The following COL5A1 variants were observed in gnomAD, a reference collection of about 807,000 sequenced individuals.
COL5A1 encodes the protein collagen alpha-1(V) chain.
A neutral mutation model predicts 263.7 loss-of-function variants in COL5A1; 16 were observed. That is an observed-to-expected ratio of 0.06 (90% confidence interval 0.04 to 0.09). The LOEUF (loss-of-function observed/expected upper bound fraction) is 0.09, where lower values mean the gene tolerates loss of function less well. Ranked by LOEUF, COL5A1 falls within the 10% of genes least tolerant of loss-of-function variation. The probability of loss-of-function intolerance (pLI) is 1.00; values close to 1 mark genes in which losing one functional copy is unlikely to be tolerated. For missense variants in COL5A1, 2,036 were observed against 2,540.5 expected, an observed-to-expected ratio of 0.80 and a Z score of 4.27; for synonymous variants, 1,012 against 1,004.5, an observed-to-expected ratio of 1.01 and a Z score of -0.14.
At chr9:134,762,822 G>GGA (rs35719154) in intron 19 of COL5A1, among the ~76,000 whole-genome samples, 16,060 of 152,140 alleles carry the variant, frequency 0.11, 1,328 homozygotes, top group East Asian at 0.27. Context: ...AGATGAGGAA[G>GGA]GAGAGAGGGA....
At chr9:134,664,124 C>T (rs1057164336) in intron 1 of COL5A1, among the ~76,000 whole-genome samples, 5 of 152,322 alleles carry the variant, frequency 3.3e-5, no homozygotes, top group Non-Finnish European at 7.3e-5. Context: ...CTGGGAAAGA[C>T]AGGATTCATC....
chr9:134,719,317 GCA>G (rs986969301), intron 4 of COL5A1, among the ~76,000 whole-genome samples: 11 of 152,292 alleles, frequency 7.2e-5, no homozygotes, highest in African/African-American at 2.6e-4. Context: ...TGTATGTCAC[GCA>G]CACACACCGC....
intron 11 of COL5A1, among the ~76,000 whole-genome samples, chr9:134,748,457 T>A (rs1751992841): frequency 6.6e-6 from 1 of 152,238 alleles, no homozygotes; most frequent in African/African-American, 2.4e-5. Context: ...GACAGCAGCT[T>A]GTCCTTGGGA....
chr9:134,805,347 A>C, intron 41 of COL5A1, 133 bp downstream of exon 41: 1 of 1,082,852 alleles, frequency 9.2e-7, no homozygotes, highest in African/African-American at 1.5e-5. Flanking sequence ...GGAGGGGGGA[A>C]AATGGCCTTC....
At chr9:134,720,660 G>A (rs920764003) in intron 4 of COL5A1, among the ~76,000 whole-genome samples, 19 of 152,302 alleles carry the variant, frequency 1.2e-4, no homozygotes, top group African/African-American at 4.3e-4. Context: ...GGGCAGAGCT[G>A]TGTGTTTGGT....
At chr9:134,839,898 C>T (rs1013483420) in intron 65 of COL5A1, among the ~76,000 whole-genome samples, 13 of 152,248 alleles carry the variant, frequency 8.5e-5, no homozygotes, top group Non-Finnish European at 1.9e-4. Context: ...TGTGGCCACC[C>T]CCAGGCGGGC....
intron 4 of COL5A1, among the ~76,000 whole-genome samples, chr9:134,703,917 G>C (rs940141075): frequency 4.6e-5 from 7 of 152,134 alleles, no homozygotes; most frequent in Non-Finnish European, 1.0e-4. Context: ...GGGATTGCAG[G>C]CGTGAGCCAC....
intron 4 of COL5A1, among the ~76,000 whole-genome samples, chr9:134,714,294 A>G (rs536157501): frequency 6.6e-6 from 1 of 150,586 alleles, no homozygotes; most frequent in African/African-American, 2.4e-5. Flanking sequence ...GGTGGTAGTG[A>G]TGATGGTCAT....
chr9:134,815,436 C>A, intron 50 of COL5A1, 140 bp from the exon 51 acceptor site: 1 of 859,140 alleles, frequency 1.2e-6, no homozygotes, highest in Non-Finnish European at 1.9e-6. Flanking sequence ...ATAAAGTGCA[C>A]TGGGTTGTCG....
intron 29 of COL5A1, 57 bp downstream of exon 29, chr9:134,782,777 T>TGG: frequency 7.8e-7 from 1 of 1,275,090 alleles, no homozygotes; most frequent in Admixed American, 1.8e-5. Flanking sequence ...CTTGGCCGTG[T>TGG]GGGAGGGGGT....
chr9:134,761,907 G>T lies in COL5A1; in HGVS notation c.1936-18G>T, dbSNP rs775505030. 43 of 1,613,002 alleles carry T rather than the reference G, an allele frequency of 2.7e-5. No homozygotes were observed. The highest frequency in any genetic ancestry group is 3.4e-5 in the Non-Finnish European group (40 of 1,179,672). ...GACCTGCTCAGGAGAGGCTGACGTT[G>T]ACCCTTTCACTTCCTAGGGTGACCC... On this transcript the variant is annotated intron_variant, in intron 18 of 65. Coordinates refer to ENST00000371817, the MANE Select transcript of COL5A1 (RefSeq NM_000093.5).
Position 134,691,044 on chromosome 9 carries a change from C to G in COL5A1, c.242C>G (p.Ala81Gly). 6.2e-7 allele frequency: 1 copy of G among 1,613,542 alleles called. No individual in the cohort carries two copies. Among genetic ancestry groups the G allele is most frequent in the South Asian group, 1.1e-5 (1 of 91,084 alleles). The change falls in exon 2 of 66, where the codon GCG becomes GGG. Residue 81 changes from alanine (A) to glycine (G), a missense_variant. By Grantham distance (60) the Ala-to-Gly change is moderately conservative (BLOSUM62 0). Around this residue, in one of 3 missense-constraint regions of COL5A1, gnomAD observed 600 missense variants for 634.5 expected, o/e 0.95. Transcript: ENST00000371817. ...GTCGCTTACAGAGTCACCAAAGACG[C>G]GCAGCTCAGCGCACCCACCAAGCAG... ...PDVAYRVTKDAQLSAPTKQLY... is the reference protein window; with the variant it reads ...PDVAYRVTKDGQLSAPTKQLY...
chr9:134,827,263 C>G (rs780954403), intron 63 of COL5A1, among the ~76,000 whole-genome samples: 1 of 152,210 alleles, frequency 6.6e-6, no homozygotes. Flanking sequence ...ACGCCCTGAC[C>G]GTGCTGAGCT....
intron 63 of COL5A1, among the ~76,000 whole-genome samples, chr9:134,828,436 C>CCACACA (rs59261059): frequency 6.6e-6 from 1 of 150,762 alleles, no homozygotes; most frequent in African/African-American, 2.4e-5. Context: ...GAAGGTTCTA[C>CCACACA]CACACACACA....
At chr9:134,829,601 G>A (rs1226528934) in intron 63 of COL5A1, among the ~76,000 whole-genome samples, 7 of 149,268 alleles carry the variant, frequency 4.7e-5, no homozygotes, top group African/African-American at 1.5e-4. Context: ...CCTAAGGGCC[G>A]GGGCCAGGCT....
At chr9:134,649,309 T>C in intron 1 of COL5A1, 1 of 353,498 alleles carries the variant, frequency 2.8e-6, no homozygotes. Context: ...TCAAACTAGG[T>C]AATAACCTCA....
At chr9:134,730,603 C>A in intron 7 of COL5A1, 128 bp downstream of exon 7, 1 of 1,334,556 alleles carries the variant, frequency 7.5e-7, no homozygotes, top group Non-Finnish European at 1.1e-6. Flanking sequence ...CCCTGTGTTC[C>A]ACCACACCCT....
chr9:134,657,949 G>C lies in COL5A1; in HGVS notation c.109+15653G>C, dbSNP rs528245683. Among the ~76,000 whole-genome samples, 8 of 152,038 alleles carry C rather than the reference G, an allele frequency of 5.3e-5. No individual in the cohort carries two copies. The South Asian group carries it at 1.7e-3, about 31-fold the overall frequency. On this transcript the variant is annotated intron_variant, in intron 1 of 65. Transcript: ENST00000371817. ...TGAGGAGTGGGGAGACCAGGCCTGG[G>C]AGTCCTGGCCTGTCGGGTGGGCTTC...
In COL5A1 at chr9:134,696,798, G is replaced by T. The variant is rs573350835; in HGVS notation, c.278-3111G>T. On this transcript the variant is annotated intron_variant, in intron 2 of 65. Transcript: ENST00000371817. The surrounding 1 kb of genome is among the most constrained non-coding windows in gnomAD (Gnocchi z 4.3). The stretch of plus-strand genomic sequence containing the variant: ...AAAAGTGAAAAGCTCTGGCCGGGCG[G>T]GGTGGCTCACACCTGTAATCCCAGC... Among the ~76,000 whole-genome samples, 2 of 152,054 alleles carry T rather than the reference G, an allele frequency of 1.3e-5. No individual in the cohort carries two copies. The highest frequency in any genetic ancestry group is 1.9e-4 in the East Asian group (1 of 5,170).
Sources: gnomAD v4.1 joint callset for allele counts (sites outside exome capture counted in the v4.1 genomes callset) on GRCh38, gnomAD v4.1.1 for gene constraint, gnomAD v4.1.1 regional missense constraint, Gnocchi (gnomAD v3.1) non-coding constraint, MANE v1.5 for transcripts, NCBI Gene and HGNC (gene_info 2026-07-23, HGNC 2026-07-21) for gene names.